Variants in TBX5 observed in about 807,000 individuals in gnomAD.
TBX5 encodes T-box transcription factor TBX5.
In TBX5, 8 loss-of-function variants were observed where a neutral mutation model predicts 51.1. That is an observed-to-expected ratio of 0.16 (90% CI 0.09 to 0.28). The LOEUF (loss-of-function observed/expected upper bound fraction) is 0.28. Among genes scored for constraint, TBX5 ranks in the 10% least tolerant of loss-of-function variants. The pLI, the probability that TBX5 is intolerant of heterozygous loss-of-function variation, is 1.00. For synonymous variants in TBX5, 302 were observed against 266.4 expected (o/e 1.13, Z -1.30); for missense variants, 589 against 671.7 (o/e 0.88, Z 1.36).
chr12:114,390,154 G>A (rs985294817), intron 6 of TBX5, among the ~76,000 whole-genome samples: 1 of 152,102 alleles, frequency 6.6e-6, no homozygotes, highest in Non-Finnish European at 1.5e-5. Flanking sequence ...ATCTTTACAC[G>A]TAACTTCTTT....
intron 8 of TBX5, among the ~76,000 whole-genome samples, chr12:114,358,652 TA>T (rs1233101549): frequency 5.4e-5 from 8 of 146,980 alleles, no homozygotes; most frequent in Admixed American, 1.4e-4. Flanking sequence ...GTACCAAAAA[TA>T]AAAAAAAAAG....
At position 114,367,788 on chromosome 12, in the gene TBX5, T is replaced by C. The variant is rs543995302; in HGVS notation, c.756-1397A>G. Among the ~76,000 whole-genome samples, 12 of 152,342 alleles carry C rather than the reference T, an allele frequency of 7.9e-5. 1 individual carries two copies. The East Asian group carries it at 2.3e-3, about 29-fold the overall frequency. ...GCATTTAGGATGGGGATAGGGAATC[T>C]TGGGCATGGCATTTACAAACTGCAT... On this transcript the variant is annotated intron_variant, in intron 7 of 8. Coordinates refer to ENST00000405440, the MANE Select transcript of TBX5 (RefSeq NM_181486.4).
At chr12:114,358,720 A>T (rs752370148) in intron 8 of TBX5, among the ~76,000 whole-genome samples, 20 of 152,126 alleles carry the variant, frequency 1.3e-4, no homozygotes, top group Non-Finnish European at 2.4e-4. Flanking sequence ...CAGATGTTTG[A>T]AAACATCCAG....
chr12:114,408,286 G>T, upstream of TBX5: 1 of 890,432 alleles, frequency 1.1e-6, no homozygotes, highest in Non-Finnish European at 1.3e-6. Context: ...AGGAATGAGG[G>T]TGATGAACAT....
chr12:114,395,394 A>T (rs904096953), intron 5 of TBX5, among the ~76,000 whole-genome samples: 4 of 152,292 alleles, frequency 2.6e-5, no homozygotes, highest in South Asian at 2.1e-4. Flanking sequence ...AATAAGTAAA[A>T]AAAAAAATCA....
intron 6 of TBX5, among the ~76,000 whole-genome samples, chr12:114,387,789 T>G (rs1212120704): frequency 1.3e-5 from 2 of 152,200 alleles, no homozygotes; most frequent in South Asian, 4.1e-4. Flanking sequence ...AATCTTGGTA[T>G]GTTCTGCACA....
chr12:114,377,483 T>C (rs1474410482), intron 7 of TBX5, among the ~76,000 whole-genome samples: 3 of 152,140 alleles, frequency 2.0e-5, no homozygotes, highest in Middle Eastern at 3.4e-3. Flanking sequence ...CTCAAACTCC[T>C]GGGCTCAAGC....
intron 8 of TBX5, among the ~76,000 whole-genome samples, chr12:114,358,313 G>A (rs1425696731): frequency 6.6e-6 from 1 of 152,186 alleles, no homozygotes; most frequent in Non-Finnish European, 1.5e-5. Flanking sequence ...ATCCTACCAT[G>A]AGCAGTAAGT....
chr12:114,406,149 T>A (rs185270151), upstream of TBX5: 1 of 496,022 alleles, frequency 2.0e-6, no homozygotes, highest in East Asian at 1.5e-4. Flanking sequence ...AGTACTGAAA[T>A]CGCCTATCCA....
rs771857554 is a variant in TBX5, at chr12:114,355,932, G to C, written c.1157C>G (p.Pro386Arg). ...QACMYASSAP[P>R]SEPVPSLEDI... ...CTCTAGGCTGGGCACAGGCTCGCTG[G>C]GGGGCGCAGAGCTGGCATACATGCA... The change falls in exon 9 of 9, where the codon CCC becomes CGC. Residue 386 changes from proline (P) to arginine (R), a missense_variant. Pro to Arg is a moderately radical substitution (Grantham distance 103). Transcript: ENST00000405440. 6.2e-7 allele frequency: 1 copy of C among 1,613,854 alleles called. No individual in the cohort carries two copies. The highest frequency in any genetic ancestry group is 1.7e-5 in the Admixed American group (1 of 60,036).
At chr12:114,366,103 C>T in intron 8 of TBX5, 62 bp downstream of exon 8, 1 of 1,558,482 alleles carries the variant, frequency 6.4e-7, no homozygotes, top group Non-Finnish European at 8.9e-7. Context: ...CCCCTCACCC[C>T]CAACCCAAGG....
chr12:114,361,272 C>A (rs1323857010), intron 8 of TBX5, among the ~76,000 whole-genome samples: 1 of 152,196 alleles, frequency 6.6e-6, no homozygotes, highest in African/African-American at 2.4e-5. Context: ...TGTGAAATCG[C>A]ATTTTAAAAC....
intron 8 of TBX5, among the ~76,000 whole-genome samples, chr12:114,357,593 C>T (rs998579433): frequency 5.3e-5 from 8 of 152,286 alleles, no homozygotes; most frequent in Middle Eastern, 3.4e-3. Context: ...TCCTGATTTC[C>T]GTCAACATGA....
chr12:114,404,478 GAAA>G (rs565422534), intron 1 of TBX5, among the ~76,000 whole-genome samples: 1 of 152,062 alleles, frequency 6.6e-6, no homozygotes, highest in Admixed American at 6.5e-5. Flanking sequence ...CTTGCAAAAA[GAAA>G]AACACAGAAG....
At chr12:114,392,318 A>G (rs985351430) in intron 6 of TBX5, among the ~76,000 whole-genome samples, 4 of 152,166 alleles carry the variant, frequency 2.6e-5, no homozygotes, top group Non-Finnish European at 5.9e-5. Context: ...ATATTCACAA[A>G]TGGCTGCAGT....
intron 7 of TBX5, among the ~76,000 whole-genome samples, chr12:114,376,751 C>T (rs956089193): frequency 1.3e-5 from 2 of 151,884 alleles, no homozygotes; most frequent in Non-Finnish European, 2.9e-5. Context: ...AATTATCTCA[C>T]ATTTACGTAT....
At chr12:114,393,903 C>T (rs140704350) in intron 6 of TBX5, among the ~76,000 whole-genome samples, 6 of 152,238 alleles carry the variant, frequency 3.9e-5, no homozygotes, top group Non-Finnish European at 7.3e-5. Context: ...ACAAGGCAAA[C>T]CTTTCCCAAG....
intron 8 of TBX5, among the ~76,000 whole-genome samples, chr12:114,359,512 G>C (rs1431421802): frequency 6.6e-6 from 1 of 152,202 alleles, no homozygotes; most frequent in Non-Finnish European, 1.5e-5. Context: ...CTCGGCTTCA[G>C]AAAGTTGCAT....
chr12:114,392,471 C>G (rs1293671395), intron 6 of TBX5, among the ~76,000 whole-genome samples: 1 of 152,128 alleles, frequency 6.6e-6, no homozygotes, highest in East Asian at 1.9e-4. Context: ...TTTCCCACAT[C>G]TATCCACACC....
Sources: gnomAD v4.1 joint callset for allele counts (sites outside exome capture counted in the v4.1 genomes callset) on GRCh38, gnomAD v4.1.1 for gene constraint, MANE v1.5 for transcripts, NCBI Gene and HGNC (gene_info 2026-07-23, HGNC 2026-07-21) for gene names.